FAIM: variants seen among roughly 807,000 people sequenced by gnomAD.
FAIM encodes fas apoptotic inhibitory molecule 1.
Under a neutral mutation model 21.2 loss-of-function variants are expected in FAIM, and 14 were observed. The observed-to-expected ratio is 0.66, with a 90% CI of 0.44 to 1.03. The LOEUF (loss-of-function observed/expected upper bound fraction) is 1.03. FAIM is among the 50% of genes least tolerant of loss of function. The probability of loss-of-function intolerance (pLI) is 0.00; values close to 1 mark genes in which losing one functional copy is unlikely to be tolerated. For synonymous variants in FAIM, 86 were observed against 80.4 expected, an observed-to-expected ratio of 1.07 and a Z score of -0.37; for missense variants, 222 against 247.1, an observed-to-expected ratio of 0.90 and a Z score of 0.68.
intron 4 of FAIM, among the ~76,000 whole-genome samples, chr3:138,626,229 A>G (rs2042938024): frequency 1.3e-5 from 2 of 152,218 alleles, no homozygotes. Context: ...GAGTCATAAT[A>G]GATTTGAAAT....
At position 138,619,741 on chromosome 3, in the gene FAIM, T is replaced by C; in HGVS notation, c.15T>C (p.Asp5=). MASG[D]DSPIFEDDES... The stretch of plus-strand genomic sequence containing the variant: ...TTTTGCCAACCATGGCATCTGGAGA[T>C]GACAGTCCTATCTTTGAAGATGATG... Residue 5 remains aspartate, a synonymous_variant, in exon 2 of 6, where the codon GAT becomes GAC. Transcript: ENST00000360570. 1 of 1,613,772 alleles carries C rather than the reference T, an allele frequency of 6.2e-7. No homozygotes were observed. The highest frequency in any genetic ancestry group is 8.5e-7 in the Non-Finnish European group (1 of 1,179,884).
At chr3:138,623,037 CAAA>C (rs371960079) in intron 4 of FAIM, among the ~76,000 whole-genome samples, 4 of 101,028 alleles carry the variant, frequency 4.0e-5, no homozygotes, top group East Asian at 2.9e-4. Flanking sequence ...GACTCCATCT[CAAA>C]AAAAAAAAAA....
chr3:138,625,612 T>G (rs2042931127), intron 4 of FAIM, among the ~76,000 whole-genome samples: 3 of 152,344 alleles, frequency 2.0e-5, no homozygotes, highest in Non-Finnish European at 4.4e-5. Flanking sequence ...ATTATATGAC[T>G]TGCTAAATTT....
At chr3:138,627,496 A>C (rs537946270) in intron 4 of FAIM, among the ~76,000 whole-genome samples, 13 of 152,050 alleles carry the variant, frequency 8.5e-5, no homozygotes, top group African/African-American at 3.1e-4. Context: ...TTGTACTTTT[A>C]TGTAGTCAAA....
chr3:138,617,965 A>G (rs2042845677), intron 1 of FAIM, among the ~76,000 whole-genome samples: 1 of 146,904 alleles, frequency 6.8e-6, no homozygotes, highest in African/African-American at 2.5e-5. Flanking sequence ...TATATATTAT[A>G]TATAGTATAT....
In FAIM at chr3:138,609,954, A is replaced by C. The variant is rs73868103; in HGVS notation, c.-17+1017A>C. Among the ~76,000 whole-genome samples the C allele has an allele frequency of 7.9e-3, 1,207 of 152,220 alleles. 19 individuals carry two copies. Among genetic ancestry groups the C allele is most frequent in the African/African-American group, 0.027 (1,133 of 41,528 alleles). On this transcript the variant is annotated intron_variant, in intron 1 of 5. Coordinates refer to ENST00000360570, the MANE Select transcript of FAIM (RefSeq NM_001033031.2). Reference sequence around the variant, plus strand: ...AAGTTATTCTCCTTTTTGTACCTCCAGTAAGTAGCATTTGGGAATACTTGG... The same window carrying C: ...AAGTTATTCTCCTTTTTGTACCTCCCGTAAGTAGCATTTGGGAATACTTGG...
At chr3:138,624,945 C>T (rs773671354) in intron 4 of FAIM, among the ~76,000 whole-genome samples, 22 of 152,080 alleles carry the variant, frequency 1.4e-4, no homozygotes, top group African/African-American at 3.4e-4. Flanking sequence ...GTGGGAGGAT[C>T]GCTTGAGCCC....
At chr3:138,616,412 G>C (rs1408252773) in intron 1 of FAIM, among the ~76,000 whole-genome samples, 2 of 152,142 alleles carry the variant, frequency 1.3e-5, no homozygotes, top group Non-Finnish European at 2.9e-5. Context: ...ACAGGGTCTT[G>C]CTCTGTTGGC....
intron 1 of FAIM, chr3:138,611,105 A>C (rs1292624210): frequency 8.7e-7 from 1 of 1,152,848 alleles, no homozygotes; most frequent in Non-Finnish European, 1.3e-6. Context: ...ATGAACTTAG[A>C]ATATGACATG....
At chr3:138,610,780 A>G in intron 1 of FAIM, 1 of 548,988 alleles carries the variant, frequency 1.8e-6, no homozygotes, top group Non-Finnish European at 3.2e-6. Context: ...ACAGGATTTC[A>G]CCGTTTTGTC....
intron 4 of FAIM, among the ~76,000 whole-genome samples, chr3:138,625,503 G>C (rs2042930226): frequency 6.6e-6 from 1 of 151,906 alleles, no homozygotes; most frequent in Non-Finnish European, 1.5e-5. Context: ...AATATTATTT[G>C]TGGTGATTAT....
intron 1 of FAIM, among the ~76,000 whole-genome samples, chr3:138,614,317 A>G (rs550169146): frequency 6.6e-6 from 1 of 152,146 alleles, no homozygotes; most frequent in African/African-American, 2.4e-5. Context: ...GCACATGCCT[A>G]TGGTCCCAGC....
chr3:138,618,787 GCA>G (rs1265186920), intron 1 of FAIM, among the ~76,000 whole-genome samples: 1 of 152,174 alleles, frequency 6.6e-6, no homozygotes, highest in African/African-American at 2.4e-5. Flanking sequence ...TAGGAAACAG[GCA>G]CTAATTAAGG....
chr3:138,610,911 C>T (rs1320083277), intron 1 of FAIM: 2 of 1,546,938 alleles, frequency 1.3e-6, no homozygotes, highest in Non-Finnish European at 1.8e-6. Flanking sequence ...AAACCAAAGC[C>T]TTCTTCGGCA....
rs2042900501 is a variant in FAIM at position 138,622,663 on chromosome 3, T to G, written c.406+247T>G. ...TGTCCTGAGTAAATGAAGCATTCATTTAATCCACCATTTTATATATAAGAT... is the reference window on the plus strand; with the variant it reads ...TGTCCTGAGTAAATGAAGCATTCATGTAATCCACCATTTTATATATAAGAT... On this transcript the variant is annotated intron_variant, in intron 4 of 5. Transcript: ENST00000360570. Among the ~76,000 whole-genome samples, 4 of 152,172 alleles carry G rather than the reference T, an allele frequency of 2.6e-5. No homozygotes were observed. The South Asian group carries it at 6.2e-4, about 24-fold the overall frequency.
chr3:138,612,300 A>G (rs2042778759), intron 1 of FAIM, among the ~76,000 whole-genome samples: 2 of 151,830 alleles, frequency 1.3e-5, no homozygotes, highest in Non-Finnish European at 2.9e-5. Flanking sequence ...ACGGGGTTTC[A>G]CCGTGTTAGC....
intron 1 of FAIM, among the ~76,000 whole-genome samples, chr3:138,614,794 A>G (rs1480629093): frequency 1.3e-5 from 2 of 151,922 alleles, no homozygotes; most frequent in Non-Finnish European, 2.9e-5. Flanking sequence ...TACAAAAATG[A>G]GCCGGGTGTG....
chr3:138,620,313 C>T (rs1312803696), intron 2 of FAIM, among the ~76,000 whole-genome samples: 1 of 152,054 alleles, frequency 6.6e-6, no homozygotes, highest in African/African-American at 2.4e-5. Flanking sequence ...ATAGTTATCA[C>T]TTAATAGCTG....
At chr3:138,615,559 T>C (rs1219904393) in intron 1 of FAIM, among the ~76,000 whole-genome samples, 3 of 152,252 alleles carry the variant, frequency 2.0e-5, no homozygotes, top group Non-Finnish European at 4.4e-5. Context: ...TAGTGCCTTT[T>C]AGAATAATTA....
Sources: allele counts gnomAD v4.1 joint callset (sites outside exome capture counted in the v4.1 genomes callset), GRCh38; gene constraint gnomAD v4.1.1; transcripts MANE v1.5; gene names NCBI Gene and HGNC (gene_info 2026-07-23, HGNC 2026-07-21).